COX10: variants seen among roughly 807,000 people sequenced by gnomAD.
COX10 encodes protoheme IX farnesyltransferase, mitochondrial.
A neutral mutation model predicts 37.3 loss-of-function variants in COX10; 27 were observed. The observed-to-expected ratio is 0.72, with a 90% confidence interval of 0.53 to 1.00. The LOEUF is 1.00. Ranked by LOEUF, COX10 falls within the 50% of genes least tolerant of loss-of-function variation. The pLI, the probability that COX10 is intolerant of heterozygous loss-of-function variation, is 0.00. For missense variants in COX10, 475 were observed against 563.2 expected (o/e 0.84, Z 1.59); for synonymous variants, 222 against 229.1 (o/e 0.97, Z 0.28).
intron 3 of COX10, among the ~76,000 whole-genome samples, chr17:14,096,051 A>C (rs1450516005): frequency 6.6e-6 from 1 of 152,200 alleles, no homozygotes; most frequent in African/African-American, 2.4e-5. Context: ...CTTGACAGTG[A>C]GGACTCTGTA....
chr17:14,156,237 T>A (rs1426110277), intron 4 of COX10, among the ~76,000 whole-genome samples: 3 of 152,258 alleles, frequency 2.0e-5, no homozygotes, highest in Non-Finnish European at 2.9e-5. Flanking sequence ...AATCTGAATT[T>A]TTTTTTTGAG....
chr17:14,105,732 T>C (rs1167281044), intron 4 of COX10, among the ~76,000 whole-genome samples: 1 of 152,154 alleles, frequency 6.6e-6, no homozygotes, highest in African/African-American at 2.4e-5. Flanking sequence ...TGCCGGACAT[T>C]GTTCTGTGTT....
chr17:14,207,387 C>A lies in COX10; in HGVS notation c.*174C>A. The stretch of plus-strand genomic sequence containing the variant: ...TTTTAAATATTACCCAAAATGCTCC[C>A]CAAATAAGAAATGCATCAGCTCAGT... On this transcript the variant is annotated 3_prime_UTR_variant, in exon 7 of 7. Coordinates refer to ENST00000261643, the MANE Select transcript of COX10 (RefSeq NM_001303.4). 3.6e-6 allele frequency: 3 copies of A among 838,864 alleles called. No individual in the cohort carries two copies. Among genetic ancestry groups the A allele is most frequent in the South Asian group, 2.1e-5 (1 of 46,712 alleles). 52.0% of individuals were successfully genotyped at this position (838,864 alleles called of 1,614,324 possible).
At chr17:14,180,268 A>C (rs1597539410) in intron 5 of COX10, among the ~76,000 whole-genome samples, 3 of 152,140 alleles carry the variant, frequency 2.0e-5, no homozygotes, top group Admixed American at 6.5e-5. Context: ...AACATTTTAT[A>C]AGTATAGAAA....
intron 6 of COX10, among the ~76,000 whole-genome samples, chr17:14,198,244 G>A (rs968103504): frequency 2.6e-5 from 4 of 152,102 alleles, no homozygotes; most frequent in African/African-American, 7.2e-5. Flanking sequence ...GTGCCCAGCC[G>A]ACATTCCAGC....
chr17:14,143,032 A>T (rs539489368), intron 4 of COX10, among the ~76,000 whole-genome samples: 1 of 152,282 alleles, frequency 6.6e-6, no homozygotes, highest in South Asian at 2.1e-4. Flanking sequence ...TCCCTCTATC[A>T]TGTGGATGGT....
At chr17:14,198,758 C>T (rs180746487) in intron 6 of COX10, among the ~76,000 whole-genome samples, 1 of 152,302 alleles carries the variant, frequency 6.6e-6, no homozygotes, top group East Asian at 1.9e-4. Flanking sequence ...TGAATTTATT[C>T]ACTCACCCAT....
intron 1 of COX10, among the ~76,000 whole-genome samples, chr17:14,073,706 T>C (rs1567584885): frequency 6.6e-6 from 1 of 152,184 alleles, no homozygotes; most frequent in East Asian, 1.9e-4. Context: ...CGGGAGAATC[T>C]GTAGTGTTCT....
chr17:14,182,156 T>G, intron 5 of COX10: 9 of 982,394 alleles, frequency 9.2e-6, no homozygotes, highest in Non-Finnish European at 1.1e-5. Flanking sequence ...GCGCCGAACA[T>G]CATGATGCAT....
At chr17:14,186,279 G>A (rs1399073597) in intron 5 of COX10, among the ~76,000 whole-genome samples, 4 of 151,820 alleles carry the variant, frequency 2.6e-5, no homozygotes, top group Non-Finnish European at 5.9e-5. Context: ...TCTGTATGTG[G>A]CCTTCCTAAT....
In COX10 at chr17:14,175,091, G is replaced by T. The variant is rs1236186019; in HGVS notation, c.695+15144G>T. Among the ~76,000 whole-genome samples the T allele has an allele frequency of 6.3e-5, 5 of 79,376 alleles. 1 individual carries two copies. Among genetic ancestry groups the T allele is most frequent in the African/African-American group, 1.1e-4 (3 of 28,520 alleles). 52.1% of individuals were successfully genotyped at this position (79,376 alleles called of 152,430 possible). A position where few individuals can be genotyped will look rare whatever the true frequency, so the allele number is the denominator to read the frequency against. On this transcript the variant is annotated intron_variant, in intron 5 of 6. Transcript: ENST00000261643. ...TGGTTACTGGGAAATAGCGGGGGGG[G>T]GGGGGGTGGATAGGAGGGAATTGGC...
chr17:14,084,061 T>A (rs1480134992), intron 3 of COX10, among the ~76,000 whole-genome samples: 1 of 152,164 alleles, frequency 6.6e-6, no homozygotes, highest in Non-Finnish European at 1.5e-5. Flanking sequence ...TCCTAGAGCC[T>A]AGAATGCTGT....
At chr17:14,082,278 C>T (rs1481287005) in intron 3 of COX10, among the ~76,000 whole-genome samples, 2 of 152,082 alleles carry the variant, frequency 1.3e-5, no homozygotes, top group African/African-American at 4.8e-5. Flanking sequence ...AGAACCTGTT[C>T]ATAAAGGGAA....
chr17:14,093,139 A>G (rs1406722226), intron 3 of COX10, among the ~76,000 whole-genome samples: 6 of 152,226 alleles, frequency 3.9e-5, no homozygotes, highest in African/African-American at 1.4e-4. Flanking sequence ...TTTGAAATCT[A>G]TAGAAAATCT....
intron 3 of COX10, among the ~76,000 whole-genome samples, chr17:14,081,529 G>A (rs1262902162): frequency 6.6e-6 from 1 of 152,108 alleles, no homozygotes; most frequent in Non-Finnish European, 1.5e-5. Context: ...ATTATTCTAG[G>A]CTCTATCCTG....
intron 5 of COX10, among the ~76,000 whole-genome samples, chr17:14,175,919 A>C (rs1905674285): frequency 6.6e-6 from 1 of 151,944 alleles, no homozygotes; most frequent in African/African-American, 2.4e-5. Flanking sequence ...ATAATGAACA[A>C]GGGGCAGGGT....
chr17:14,198,753 T>G lies in COX10; in HGVS notation c.928+6532T>G, dbSNP rs372615827. ...ATGAGAAAGTAGAGTCGGAGTGAAT[T>G]TATTCACTCACCCATTCAACAAATA... On this transcript the variant is annotated intron_variant, in intron 6 of 6. Transcript: ENST00000261643. Among the ~76,000 whole-genome samples, 12 of 152,298 alleles carry G rather than the reference T, an allele frequency of 7.9e-5. No individual in the cohort carries two copies. The East Asian group carries it at 1.5e-3, about 20-fold the overall frequency.
In COX10 at chr17:14,090,781, A is replaced by T. The variant is rs1915508950; in HGVS notation, c.500-11337A>T. ...GGTCCTTCTATGTTCAGAGTTCCTC[A>T]CCTGCTGAATCACTGTTACCTTGTG... On this transcript the variant is annotated intron_variant, in intron 3 of 6. Coordinates refer to ENST00000261643, the MANE Select transcript of COX10 (RefSeq NM_001303.4). 2.0e-5 allele frequency among the ~76,000 whole-genome samples: 3 copies of T among 152,180 alleles called. No individual in the cohort carries two copies. In the South Asian group the frequency reaches 6.2e-4, roughly 31 times the overall value.
intron 6 of COX10, among the ~76,000 whole-genome samples, chr17:14,201,754 C>G (rs559928742): frequency 6.6e-6 from 1 of 152,286 alleles, no homozygotes; most frequent in African/African-American, 2.4e-5. Context: ...AAAGACACTT[C>G]CCCCGTGCTT....
Sources: allele counts gnomAD v4.1 joint callset (sites outside exome capture counted in the v4.1 genomes callset), GRCh38; gene constraint gnomAD v4.1.1; transcripts MANE v1.5; gene names NCBI Gene and HGNC (gene_info 2026-07-23, HGNC 2026-07-21).